ITGBL1: variants seen among roughly 807,000 people sequenced by gnomAD.
ITGBL1 encodes integrin beta-like protein 1.
In ITGBL1, 51 loss-of-function variants were observed where a neutral mutation model predicts 68.5. The observed-to-expected ratio is 0.74, with a 90% CI of 0.59 to 0.94. The LOEUF is 0.94. ITGBL1 is among the 40% of genes least tolerant of loss of function. The probability of loss-of-function intolerance (pLI) is 0.00; values close to 1 mark genes in which losing one functional copy is unlikely to be tolerated. For synonymous variants in ITGBL1, 209 were observed against 227.3 expected (o/e 0.92, Z 0.72); for missense variants, 649 against 647.4 (o/e 1.00, Z -0.03).
intron 7 of ITGBL1, among the ~76,000 whole-genome samples, chr13:101,665,422 GTT>G (rs1353911282): frequency 6.6e-6 from 1 of 151,582 alleles, no homozygotes; most frequent in African/African-American, 2.4e-5. Context: ...TATTTTAAAT[GTT>G]TGTTTCTACT....
chr13:101,660,106 G>A lies in ITGBL1; in HGVS notation c.1016-32479G>A, dbSNP rs141919880. 2.5e-4 allele frequency among the ~76,000 whole-genome samples: 38 copies of A among 152,268 alleles called. No homozygotes were observed. In the East Asian group the frequency reaches 4.8e-3, roughly 19 times the overall value. ...ACCACCAGACAGGTTCTTCCTGCCC[G>A]CTGAACAAAGTTAATTCATGGAGAC... On this transcript the variant is annotated intron_variant, in intron 7 of 10. Coordinates refer to ENST00000376180, the MANE Select transcript of ITGBL1 (RefSeq NM_004791.3).
chr13:101,715,959 C>T lies in ITGBL1; in HGVS notation c.*305C>T, dbSNP rs942098361. 2.5e-4 allele frequency: 79 copies of T among 313,796 alleles called. No individual in the cohort carries two copies. The highest frequency in any genetic ancestry group is 4.7e-4 in the Non-Finnish European group (77 of 164,364). 19.4% of individuals were successfully genotyped at this position (313,796 alleles called of 1,614,324 possible). A position where few individuals can be genotyped will look rare whatever the true frequency, so the allele number is the denominator to read the frequency against. ...GACAATTTTGATTGTCACACTGGGT[C>T]GGGTAGGAAGGTATGCTGCAGACAT... On this transcript the variant is annotated 3_prime_UTR_variant, in exon 11 of 11. Coordinates refer to ENST00000376180, the MANE Select transcript of ITGBL1 (RefSeq NM_004791.3).
rs57052324 is a variant in ITGBL1, at chr13:101,480,024, A to G, written c.316+25924A>G. Among the ~76,000 whole-genome samples, 704 of 152,244 alleles carry G rather than the reference A, an allele frequency of 4.6e-3. 24 individuals are homozygous for G. The East Asian group carries it at 0.1, about 22-fold the overall frequency. ...AAGAGATATCTGCCCTGTTATGTTT[A>G]TTGCAGCACTATTCACTATCACAAA... On this transcript the variant is annotated intron_variant, in intron 2 of 10. Coordinates refer to ENST00000376180, the MANE Select transcript of ITGBL1 (RefSeq NM_004791.3).
chr13:101,676,018 T>G (rs1185124717), intron 7 of ITGBL1, among the ~76,000 whole-genome samples: 1 of 152,220 alleles, frequency 6.6e-6, no homozygotes, highest in Non-Finnish European at 1.5e-5. Flanking sequence ...TACAGATAAT[T>G]GTCTAGTGAG....
rs142310151 is a variant in ITGBL1 at position 101,509,185 on chromosome 13, G to A, written c.316+55085G>A. Among the ~76,000 whole-genome samples, 220 of 152,194 alleles carry A rather than the reference G, an allele frequency of 1.4e-3. 2 individuals carry two copies. The highest frequency in any genetic ancestry group is 5.1e-3 in the African/African-American group (210 of 41,532). On this transcript the variant is annotated intron_variant, in intron 2 of 10. Transcript: ENST00000376180. ...CAAGTCACATCTTACGTGGATGGTG[G>A]CAGGCAAAGAGAGTTGTTCATGGAA...
intron 7 of ITGBL1, among the ~76,000 whole-genome samples, chr13:101,642,706 T>G (rs562483492): frequency 0.014 from 2,109 of 150,286 alleles, 46 homozygotes; most frequent in African/African-American, 0.037. Context: ...GGTCTAACGT[T>G]TAAGTCTTTA....
chr13:101,657,465 A>T (rs59820645), intron 7 of ITGBL1, among the ~76,000 whole-genome samples: 3,635 of 152,212 alleles, frequency 0.024, 132 homozygotes, highest in African/African-American at 0.083. Context: ...CATTTTCTTT[A>T]AAACTCCTTT....
At chr13:101,622,911 A>ATGTGTGTGTGTGTGTGTG (rs756971096) in intron 7 of ITGBL1, among the ~76,000 whole-genome samples, 1 of 114,988 alleles carries the variant, frequency 8.7e-6, no homozygotes, top group East Asian at 2.1e-4. Context: ...TGTGTGGGGT[A>ATGTGTGTGTGTGTGTGTG]TGTATGTGTG....
intron 5 of ITGBL1, among the ~76,000 whole-genome samples, chr13:101,582,639 C>T (rs1024280947): frequency 1.3e-5 from 2 of 152,108 alleles, no homozygotes; most frequent in Non-Finnish European, 2.9e-5. Flanking sequence ...TTAACATGCA[C>T]CTCAGGGTCC....
At chr13:101,456,768 A>G (rs2048249204) in intron 2 of ITGBL1, among the ~76,000 whole-genome samples, 1 of 152,194 alleles carries the variant, frequency 6.6e-6, no homozygotes, top group African/African-American at 2.4e-5. Context: ...CACAAAAATT[A>G]GCTGGGCTTG....
At chr13:101,642,200 T>A (rs1421023242) in intron 7 of ITGBL1, among the ~76,000 whole-genome samples, 6 of 152,032 alleles carry the variant, frequency 3.9e-5, no homozygotes, top group Admixed American at 1.3e-4. Flanking sequence ...GTGTTCCTAT[T>A]TCTCCACATC....
chr13:101,478,555 G>A (rs4567576), intron 2 of ITGBL1, among the ~76,000 whole-genome samples: 21,421 of 151,992 alleles, frequency 0.14, 1,978 homozygotes, highest in East Asian at 0.4. Flanking sequence ...CTTGTTTGCA[G>A]ATGATATGAT....
At chr13:101,585,111 C>A (rs1276897171) in intron 6 of ITGBL1, among the ~76,000 whole-genome samples, 1 of 152,098 alleles carries the variant, frequency 6.6e-6, no homozygotes, top group Non-Finnish European at 1.5e-5. Context: ...TACCTTCCTG[C>A]AGACCCAGGT....
chr13:101,559,817 A>G (rs113730233), intron 2 of ITGBL1, among the ~76,000 whole-genome samples: 6 of 152,354 alleles, frequency 3.9e-5, no homozygotes, highest in East Asian at 3.9e-4. Flanking sequence ...TAACTTGCAT[A>G]AAGTACTTAT....
intron 2 of ITGBL1, among the ~76,000 whole-genome samples, chr13:101,557,170 C>T (rs1019160374): frequency 3.9e-5 from 6 of 152,118 alleles, no homozygotes; most frequent in South Asian, 2.1e-4. Context: ...GGATGAAGAA[C>T]GCAGCACTGT....
intron 2 of ITGBL1, among the ~76,000 whole-genome samples, chr13:101,483,640 G>A (rs2048658589): frequency 2.0e-5 from 3 of 152,130 alleles, no homozygotes; most frequent in African/African-American, 7.2e-5. Context: ...GGCTATTTGG[G>A]CTAGTGTGGA....
At chr13:101,585,405 C>T (rs1356557592) in intron 6 of ITGBL1, among the ~76,000 whole-genome samples, 1 of 152,154 alleles carries the variant, frequency 6.6e-6, no homozygotes, top group African/African-American at 2.4e-5. Context: ...TAAAACTATG[C>T]TGGCATTCAG....
At chr13:101,540,667 C>T (rs929620636) in intron 2 of ITGBL1, among the ~76,000 whole-genome samples, 53 of 152,192 alleles carry the variant, frequency 3.5e-4, no homozygotes, top group African/African-American at 1.2e-3. Flanking sequence ...TTCACGATAT[C>T]GATTCTTCCT....
chr13:101,606,110 C>A (rs145435251), intron 7 of ITGBL1, among the ~76,000 whole-genome samples: 4,001 of 138,254 alleles, frequency 0.029, 84 homozygotes, highest in South Asian at 0.046. Flanking sequence ...CTCTCTCTCT[C>A]TCTATATATA....
Sources: allele counts gnomAD v4.1 joint callset (sites outside exome capture counted in the v4.1 genomes callset), GRCh38; gene constraint gnomAD v4.1.1; transcripts MANE v1.5; gene names NCBI Gene and HGNC (gene_info 2026-07-23, HGNC 2026-07-21).